Variants in ZNF131 observed in about 807,000 individuals in gnomAD.
The protein encoded by ZNF131 is zinc finger protein 131.
A neutral mutation model predicts 60.0 loss-of-function variants in ZNF131; 7 were observed. The ratio of observed to expected loss-of-function variants is 0.12; its 90% CI spans 0.07 to 0.22. The LOEUF is 0.22. ZNF131 is among the 10% of genes least tolerant of loss of function. ZNF131 has a pLI of 1.00. For synonymous variants in ZNF131, 257 were observed against 253.2 expected (o/e 1.01, Z -0.14); for missense variants, 493 against 740.9 (o/e 0.67, Z 3.88).
intron 3 of ZNF131, among the ~76,000 whole-genome samples, chr5:43,125,509 G>T (rs551789483): frequency 6.6e-6 from 1 of 151,792 alleles, no homozygotes; most frequent in African/African-American, 2.4e-5. Context: ...GGCCGGATGC[G>T]GTGGCTCACG....
intron 4 of ZNF131, among the ~76,000 whole-genome samples, chr5:43,160,516 A>G (rs1749550753): frequency 6.6e-6 from 1 of 151,782 alleles, no homozygotes; most frequent in South Asian, 2.1e-4. Context: ...AATGTCACTA[A>G]GGTCTTCTCC....
At chr5:43,170,665 C>T (rs1579915251) in intron 5 of ZNF131, among the ~76,000 whole-genome samples, 1 of 149,488 alleles carries the variant, frequency 6.7e-6, no homozygotes, top group East Asian at 2.0e-4. Flanking sequence ...CGGAGTCTCA[C>T]TCGGTCACCC....
At chr5:43,168,509 T>A (rs1459351064) in intron 5 of ZNF131, among the ~76,000 whole-genome samples, 1 of 152,136 alleles carries the variant, frequency 6.6e-6, no homozygotes, top group East Asian at 1.9e-4. Context: ...GGCCATCATA[T>A]GGGAGATCTA....
chr5:43,175,917 T>A lies in ZNF131; in HGVS notation c.*784T>A, dbSNP rs1307458496. 2.0e-5 allele frequency: 3 copies of A among 152,560 alleles called. No individual in the cohort carries two copies. The highest frequency in any genetic ancestry group is 7.2e-5 in the African/African-American group (3 of 41,464). The allele number at this position is 152,560 out of a possible 1,614,324, so 9.5% of individuals were successfully genotyped here. ...TTGAGAAATTTTATTTAATGGCCAC[T>A]GAAGGGCCATTTTCAATTGGGAAAA... On this transcript the variant is annotated 3_prime_UTR_variant, in exon 7 of 7. Coordinates refer to ENST00000682664, the MANE Select transcript of ZNF131 (RefSeq NM_001330707.2).
intron 5 of ZNF131, among the ~76,000 whole-genome samples, chr5:43,167,143 T>G (rs1195204661): frequency 1.3e-5 from 2 of 152,234 alleles, no homozygotes; most frequent in Non-Finnish European, 2.9e-5. Context: ...TTGTTATGGG[T>G]GTGGGTTCAG....
intron 5 of ZNF131, among the ~76,000 whole-genome samples, chr5:43,166,590 G>T (rs1750385254): frequency 6.6e-6 from 1 of 151,836 alleles, no homozygotes; most frequent in South Asian, 2.1e-4. Flanking sequence ...TCGATCTCTT[G>T]ACCTCGTGAT....
At chr5:43,121,343 G>A (rs1743768778) in intron 1 of ZNF131, among the ~76,000 whole-genome samples, 1 of 152,230 alleles carries the variant, frequency 6.6e-6, no homozygotes, top group African/African-American at 2.4e-5. Context: ...AGTAGCCCAA[G>A]CCCACCGCTG....
intron 4 of ZNF131, among the ~76,000 whole-genome samples, chr5:43,154,988 C>G (rs1230708136): frequency 1.3e-5 from 2 of 152,184 alleles, no homozygotes; most frequent in South Asian, 2.1e-4. Flanking sequence ...TGAGGACAGC[C>G]TTGAGTTCTG....
intron 5 of ZNF131, among the ~76,000 whole-genome samples, chr5:43,162,962 T>C (rs1249252110): frequency 3.3e-5 from 4 of 121,562 alleles, no homozygotes; most frequent in African/African-American, 5.7e-5. Flanking sequence ...TCTTTTCTTT[T>C]ATTTGCCTTT....
At chr5:43,159,969 A>G (rs28845781) in intron 4 of ZNF131, among the ~76,000 whole-genome samples, 10,108 of 151,988 alleles carry the variant, frequency 0.067, 399 homozygotes, top group South Asian at 0.13. Context: ...AAGGTCAGGA[A>G]ATCGAGACCA....
At chr5:43,123,810 T>C (rs1744170717) in intron 3 of ZNF131, 1 of 152,450 alleles carries the variant, frequency 6.6e-6, no homozygotes, top group Admixed American at 6.5e-5. Flanking sequence ...TGAAGTAGCA[T>C]TTAGAGGAAA....
At chr5:43,163,248 G>A (rs567076865) in intron 5 of ZNF131, among the ~76,000 whole-genome samples, 134 of 152,170 alleles carry the variant, frequency 8.8e-4, no homozygotes, top group Non-Finnish European at 1.6e-3. Context: ...AAAGTGCTGG[G>A]ATTACAGGCA....
chr5:43,137,807 G>T (rs1746318123), intron 3 of ZNF131, among the ~76,000 whole-genome samples: 1 of 152,144 alleles, frequency 6.6e-6, no homozygotes, highest in Non-Finnish European at 1.5e-5. Context: ...ATTTACAGTA[G>T]CCACGAGAGG....
chr5:43,148,551 G>C (rs1380064186), intron 4 of ZNF131, among the ~76,000 whole-genome samples: 1 of 152,160 alleles, frequency 6.6e-6, no homozygotes, highest in Non-Finnish European at 1.5e-5. Context: ...TATAGTCTCT[G>C]TTGCAATTAC....
chr5:43,158,872 T>C (rs1220619975), intron 4 of ZNF131, among the ~76,000 whole-genome samples: 2 of 151,894 alleles, frequency 1.3e-5, no homozygotes, highest in African/African-American at 4.8e-5. Context: ...CAGCATCTTA[T>C]TCTCAATGCC....
Position 43,166,651 on chromosome 5 carries a change from G to GC in ZNF131, c.1054+4723dup, listed in dbSNP as rs550915152. 4.8e-5 allele frequency among the ~76,000 whole-genome samples: 7 copies of GC among 147,006 alleles called. 1 individual carries two copies. The South Asian group carries it at 1.5e-3, about 32-fold the overall frequency. On this transcript the variant is annotated intron_variant, in intron 5 of 6. Coordinates refer to ENST00000682664, the MANE Select transcript of ZNF131 (RefSeq NM_001330707.2). ...CTGGATTACAGGCACGAGCCACCAT[G>GC]CCCAGCCGTGACCCTTTTTTTTGAC...
At chr5:43,173,651 A>G (rs1342936368) in intron 6 of ZNF131, among the ~76,000 whole-genome samples, 2 of 152,144 alleles carry the variant, frequency 1.3e-5, no homozygotes, top group African/African-American at 2.4e-5. Flanking sequence ...AATAACAACT[A>G]TGTCCTAAAT....
intron 5 of ZNF131, among the ~76,000 whole-genome samples, chr5:43,162,417 C>CG (rs1473614658): frequency 1.3e-5 from 2 of 150,572 alleles, no homozygotes; most frequent in East Asian, 3.9e-4. Context: ...CATGGTGAAA[C>CG]CTCATCTCTA....
At chr5:43,168,879 TC>T (rs1351598072) in intron 5 of ZNF131, among the ~76,000 whole-genome samples, 1 of 152,162 alleles carries the variant, frequency 6.6e-6, no homozygotes, top group Non-Finnish European at 1.5e-5. Flanking sequence ...AGCTGGTGAC[TC>T]CCAGCTTTCT....
Sources: allele counts gnomAD v4.1 joint callset (sites outside exome capture counted in the v4.1 genomes callset), GRCh38; gene constraint gnomAD v4.1.1; transcripts MANE v1.5; gene names NCBI Gene and HGNC (gene_info 2026-07-23, HGNC 2026-07-21).